The following CNTNAP2 variants were observed in gnomAD, a reference collection of about 807,000 sequenced individuals.
CNTNAP2 encodes contactin associated protein 2.
A neutral mutation model predicts 155.2 loss-of-function variants in CNTNAP2; 98 were observed. The observed-to-expected ratio is 0.63, with a 90% CI of 0.54 to 0.75. The LOEUF (loss-of-function observed/expected upper bound fraction) is 0.75, where lower values mean the gene tolerates loss of function less well. CNTNAP2 is among the 30% of genes least tolerant of loss of function. The pLI is 0.00. For synonymous variants in CNTNAP2, 651 were observed against 631.2 expected, an observed-to-expected ratio of 1.03 and a Z score of -0.47; for missense variants, 1,727 against 1,688.1, an observed-to-expected ratio of 1.02 and a Z score of -0.40.
At chr7:148,093,781 T>C (rs1803902060) in intron 15 of CNTNAP2, among the ~76,000 whole-genome samples, 1 of 152,186 alleles carries the variant, frequency 6.6e-6, no homozygotes, top group South Asian at 2.1e-4. Context: ...TTATTTTTTC[T>C]TTCTTTCTTT....
intron 12 of CNTNAP2, among the ~76,000 whole-genome samples, chr7:147,635,559 CAG>C (rs1346596398): frequency 6.6e-6 from 1 of 152,044 alleles, no homozygotes; most frequent in African/African-American, 2.4e-5. Flanking sequence ...AAACATATAA[CAG>C]ATAATGCATA....
chr7:147,517,218 T>G (rs1427060254), intron 11 of CNTNAP2, among the ~76,000 whole-genome samples: 1 of 152,106 alleles, frequency 6.6e-6, no homozygotes, highest in African/African-American at 2.4e-5. Context: ...TGCTGAGATA[T>G]TCAAGAGGAA....
At chr7:147,759,899 G>C (rs146803199) in intron 13 of CNTNAP2, among the ~76,000 whole-genome samples, 1 of 152,024 alleles carries the variant, frequency 6.6e-6, no homozygotes, top group Admixed American at 6.6e-5. Flanking sequence ...GATACACCCC[G>C]TAAAAAGGAT....
chr7:148,225,281 G>A (rs1254219398), intron 19 of CNTNAP2, among the ~76,000 whole-genome samples: 3 of 152,184 alleles, frequency 2.0e-5, no homozygotes, highest in Non-Finnish European at 4.4e-5. Context: ...CAAGGGGAAG[G>A]AGAGGGTAAA....
intron 1 of CNTNAP2, among the ~76,000 whole-genome samples, chr7:146,312,895 T>C (rs912420888): frequency 6.6e-6 from 1 of 152,192 alleles, no homozygotes; most frequent in Non-Finnish European, 1.5e-5. Flanking sequence ...AATTTCCTTC[T>C]TTTTTAAGGG....
At chr7:147,502,350 AC>A (rs1432891083) in intron 11 of CNTNAP2, among the ~76,000 whole-genome samples, 1 of 152,226 alleles carries the variant, frequency 6.6e-6, no homozygotes, top group Non-Finnish European at 1.5e-5. Context: ...ACATGGCTAA[AC>A]CTAGACAGCA....
At chr7:148,138,541 C>T (rs896079028) in intron 16 of CNTNAP2, among the ~76,000 whole-genome samples, 3 of 152,132 alleles carry the variant, frequency 2.0e-5, no homozygotes, top group African/African-American at 4.8e-5. Context: ...CTCATTTTGC[C>T]GCACAACCTG....
At position 148,415,908 on chromosome 7, in the gene CNTNAP2, T is replaced by TTTGTGTGTGTTTAG. The variant is rs1280874675; in HGVS notation, c.*293_*306dup. 1.6e-5 allele frequency: 8 copies of TTTGTGTGTGTTTAG among 506,146 alleles called. No homozygotes were observed. The Admixed American group carries it at 2.1e-4, about 13-fold the overall frequency. The allele number at this position is 506,146 out of a possible 1,614,324, so 31.4% of individuals were successfully genotyped here. On this transcript the variant is annotated 3_prime_UTR_variant, in exon 24 of 24. Transcript: ENST00000361727. ...AATTTGTAGGTACTATCTGTCTTAT[T>TTTGTGTGTGTTTAG]TTGTGTGTGTTTAGAGGTGTTCTAA...
chr7:148,371,704 C>T lies in CNTNAP2; in HGVS notation c.3476-11945C>T, dbSNP rs540258463. Among the ~76,000 whole-genome samples the T allele has an allele frequency of 2.0e-5, 3 of 152,266 alleles. No homozygotes were observed. The South Asian group carries it at 6.2e-4, about 32-fold the overall frequency. ...TGAGAAGAGTGTCATTAAGCAATTTCATCATTATGCGAATACCACAGAGTG... is the reference window on the plus strand; with the variant it reads ...TGAGAAGAGTGTCATTAAGCAATTTTATCATTATGCGAATACCACAGAGTG... On this transcript the variant is annotated intron_variant, in intron 21 of 23. Transcript: ENST00000361727.
At chr7:147,707,470 G>A (rs1796332963) in intron 13 of CNTNAP2, among the ~76,000 whole-genome samples, 1 of 152,228 alleles carries the variant, frequency 6.6e-6, no homozygotes, top group Non-Finnish European at 1.5e-5. Context: ...AGGCTGTGAT[G>A]AAGATTTTCT....
At chr7:147,457,079 C>A (rs748864350) in intron 10 of CNTNAP2, among the ~76,000 whole-genome samples, 5 of 152,134 alleles carry the variant, frequency 3.3e-5, no homozygotes, top group Admixed American at 6.6e-5. Context: ...CAGTACTTTT[C>A]CTTTTTTTCT....
intron 17 of CNTNAP2, among the ~76,000 whole-genome samples, chr7:148,166,760 A>G (rs1051966793): frequency 6.6e-6 from 1 of 152,226 alleles, no homozygotes; most frequent in Non-Finnish European, 1.5e-5. Context: ...GGGGCTCTCT[A>G]CAATGACAAT....
chr7:146,709,558 G>T (rs753916179), intron 1 of CNTNAP2, among the ~76,000 whole-genome samples: 24 of 152,172 alleles, frequency 1.6e-4, no homozygotes, highest in Non-Finnish European at 2.8e-4. Flanking sequence ...GGATATGATT[G>T]TCCGGAGAAC....
intron 1 of CNTNAP2, among the ~76,000 whole-genome samples, chr7:146,395,824 G>GAT (rs1290828221): frequency 0.014 from 1,869 of 130,614 alleles, 13 homozygotes; most frequent in Middle Eastern, 0.023. Flanking sequence ...TAGATAGATA[G>GAT]AGGAGAGAGA....
At chr7:147,664,057 A>T (rs2116956916) in intron 13 of CNTNAP2, among the ~76,000 whole-genome samples, 1 of 152,340 alleles carries the variant, frequency 6.6e-6, no homozygotes, top group Admixed American at 6.5e-5. Flanking sequence ...AATTAATAGA[A>T]ATTTTTCATG....
At chr7:148,159,993 C>A (rs1805487976) in intron 17 of CNTNAP2, among the ~76,000 whole-genome samples, 1 of 152,156 alleles carries the variant, frequency 6.6e-6, no homozygotes, top group Admixed American at 6.5e-5. Context: ...AATCCCAGCA[C>A]TTTGGAAGGC....
At chr7:147,912,349 C>A (rs1357177253) in intron 14 of CNTNAP2, among the ~76,000 whole-genome samples, 2 of 152,144 alleles carry the variant, frequency 1.3e-5, no homozygotes, top group East Asian at 1.9e-4. Context: ...ACTCATTGGG[C>A]CCCTCTGTTC....
chr7:146,697,040 A>G (rs559897414), intron 1 of CNTNAP2, among the ~76,000 whole-genome samples: 1 of 152,224 alleles, frequency 6.6e-6, no homozygotes, highest in African/African-American at 2.4e-5. Flanking sequence ...CTGATTAACT[A>G]TGTCTTATTT....
intron 1 of CNTNAP2, among the ~76,000 whole-genome samples, chr7:146,711,069 G>A (rs999219451): frequency 3.3e-5 from 5 of 151,530 alleles, no homozygotes; most frequent in Admixed American, 3.3e-4. Flanking sequence ...TTGGCAAGAT[G>A]CAAGTTCTGC....
Sources: allele counts gnomAD v4.1 joint callset (sites outside exome capture counted in the v4.1 genomes callset), GRCh38; gene constraint gnomAD v4.1.1; transcripts MANE v1.5; gene names NCBI Gene and HGNC (gene_info 2026-07-23, HGNC 2026-07-21).